The following ASB5 variants were observed in gnomAD, a reference collection of about 807,000 sequenced individuals.
ASB5 encodes ankyrin repeat and SOCS box protein 5.
ASB5 carries 45 observed loss-of-function variants against 42.1 expected under a neutral mutation model. That is an observed-to-expected ratio of 1.07 (90% CI 0.84 to 1.37). ASB5 has a LOEUF of 1.37. Ranked by LOEUF, ASB5 falls within the 40% of genes most tolerant of loss-of-function variation. The pLI, the probability that ASB5 is intolerant of heterozygous loss-of-function variation, is 0.00. For missense variants in ASB5, 402 were observed against 399.8 expected, an observed-to-expected ratio of 1.01 and a Z score of -0.05; for synonymous variants, 147 against 150.6, an observed-to-expected ratio of 0.98 and a Z score of 0.18.
At chr4:176,254,362 C>A (rs1754106863) in intron 1 of ASB5, among the ~76,000 whole-genome samples, 1 of 152,098 alleles carries the variant, frequency 6.6e-6, no homozygotes, top group Non-Finnish European at 1.5e-5. Context: ...TAGCTATATG[C>A]AGAAAATGAA....
At chr4:176,256,622 A>T (rs1017565863) in intron 1 of ASB5, among the ~76,000 whole-genome samples, 4 of 152,148 alleles carry the variant, frequency 2.6e-5, no homozygotes, top group African/African-American at 7.2e-5. Flanking sequence ...AAGGAAAAAA[A>T]CTTTCTGTAA....
intron 1 of ASB5, among the ~76,000 whole-genome samples, chr4:176,232,070 T>TA (rs1019197293): frequency 6.6e-6 from 1 of 151,598 alleles, no homozygotes; most frequent in Non-Finnish European, 1.5e-5. Flanking sequence ...TTCATTTCAG[T>TA]AAAAAATGGC....
intron 5 of ASB5, among the ~76,000 whole-genome samples, chr4:176,217,750 A>G (rs745479860): frequency 2.9e-4 from 44 of 152,102 alleles, no homozygotes; most frequent in Non-Finnish European, 6.2e-4. Context: ...CAATAAATAA[A>G]TGCTGTTTAG....
chr4:176,219,772 G>T (rs1000411829), intron 5 of ASB5, among the ~76,000 whole-genome samples: 2 of 150,780 alleles, frequency 1.3e-5, no homozygotes, highest in African/African-American at 4.9e-5. Flanking sequence ...TCACTATGTT[G>T]GCCAGGCTGG....
intron 3 of ASB5, 134 bp from the exon 4 acceptor site, chr4:176,221,734 A>G: frequency 1.2e-6 from 1 of 844,786 alleles, no homozygotes; most frequent in Non-Finnish European, 1.7e-6. Context: ...ATGACAAAGT[A>G]TACTTTGCTC....
chr4:176,250,633 C>T (rs780363334), intron 1 of ASB5, among the ~76,000 whole-genome samples: 45 of 152,156 alleles, frequency 3.0e-4, no homozygotes, highest in Non-Finnish European at 1.3e-4. Flanking sequence ...ATTCTCAAAG[C>T]GGCTCATAGG....
At chr4:176,242,048 G>A (rs1753822161) in intron 1 of ASB5, among the ~76,000 whole-genome samples, 1 of 152,182 alleles carries the variant, frequency 6.6e-6, no homozygotes, top group South Asian at 2.1e-4. Flanking sequence ...ACCTCCGCAT[G>A]TTGCTAAATG....
At chr4:176,271,880 T>C (rs17062698), upstream of ASB5, among the ~76,000 whole-genome samples, 1,268 of 152,254 alleles carry the variant, frequency 8.3e-3, 12 homozygotes, top group African/African-American at 0.029. Context: ...AAATTTTCTA[T>C]TTTTAAGCAC....
chr4:176,255,507 A>G (rs1169573124), intron 1 of ASB5, among the ~76,000 whole-genome samples: 1 of 152,260 alleles, frequency 6.6e-6, no homozygotes, highest in Non-Finnish European at 1.5e-5. Context: ...TGGTATATAC[A>G]CACCATGGAA....
intron 1 of ASB5, among the ~76,000 whole-genome samples, chr4:176,264,960 C>A (rs946605999): frequency 6.6e-6 from 1 of 151,826 alleles, no homozygotes; most frequent in Non-Finnish European, 1.5e-5. Context: ...TAGTCTAGGT[C>A]CTCATCTCCT....
At chr4:176,232,316 G>T (rs1381754972) in intron 1 of ASB5, among the ~76,000 whole-genome samples, 3 of 151,794 alleles carry the variant, frequency 2.0e-5, no homozygotes, top group Non-Finnish European at 4.4e-5. Context: ...AAAGATGGGG[G>T]TTTCACCATG....
chr4:176,221,344 C>T, intron 4 of ASB5, 55 bp from the exon 5 acceptor site: 2 of 1,603,434 alleles, frequency 1.2e-6, no homozygotes, highest in East Asian at 4.5e-5. Context: ...CCACACACCT[C>T]ACCCCAGGCT....
intron 5 of ASB5, among the ~76,000 whole-genome samples, chr4:176,217,218 G>A (rs1278083521): frequency 2.0e-5 from 3 of 151,912 alleles, no homozygotes; most frequent in Non-Finnish European, 2.9e-5. Flanking sequence ...TATAAACTGG[G>A]CACATCTGAA....
intron 1 of ASB5, chr4:176,249,450 AAGAGT>A (rs992361287): frequency 3.9e-5 from 6 of 152,192 alleles, no homozygotes; most frequent in Non-Finnish European, 7.3e-5. Flanking sequence ...ATGAGAAGAG[AAGAGT>A]AAACACTTGG....
At chr4:176,247,584 A>T (rs1265859126) in intron 1 of ASB5, among the ~76,000 whole-genome samples, 1 of 152,188 alleles carries the variant, frequency 6.6e-6, no homozygotes, top group South Asian at 2.1e-4. Flanking sequence ...GAAATATAGA[A>T]CCCACTTTCC....
At chr4:176,255,178 C>T (rs975305965) in intron 1 of ASB5, among the ~76,000 whole-genome samples, 1 of 152,128 alleles carries the variant, frequency 6.6e-6, no homozygotes, top group Non-Finnish European at 1.5e-5. Context: ...TACCATCTCA[C>T]TTTGGTCAGA....
At chr4:176,231,959 G>T (rs1225867966) in intron 1 of ASB5, among the ~76,000 whole-genome samples, 1 of 152,116 alleles carries the variant, frequency 6.6e-6, no homozygotes, top group Non-Finnish European at 1.5e-5. Flanking sequence ...CAATGGTGCA[G>T]AGTTTAGCCA....
At position 176,276,432 on chromosome 4, in the gene ASB5, A is replaced by G. The variant is rs149850269; in HGVS notation, c.-200-526T>C. Among the ~76,000 whole-genome samples the G allele has an allele frequency of 9.8e-4, 149 of 152,328 alleles. 3 individuals are homozygous for G. In the East Asian group the frequency reaches 0.025, roughly 25 times the overall value. ...CAGCCCCCCTCTGGTGTTAGGAAAT[A>G]TATCCATTTCTATAATCAGAATTCA... On this transcript the variant is annotated intron_variant, in intron 1 of 2. Coordinates refer to the ASB5 transcript ENST00000505299.
At chr4:176,276,264 C>T (rs539175997) in intron 1 of ASB5, among the ~76,000 whole-genome samples, 27 of 152,244 alleles carry the variant, frequency 1.8e-4, no homozygotes, top group African/African-American at 6.5e-4. Flanking sequence ...ATTACTTTTA[C>T]TTTGTTATTT....
Sources: allele counts gnomAD v4.1 joint callset (sites outside exome capture counted in the v4.1 genomes callset), GRCh38; gene constraint gnomAD v4.1.1; transcripts MANE v1.5; gene names NCBI Gene and HGNC (gene_info 2026-07-23, HGNC 2026-07-21).